The following UTP11 variants were observed in gnomAD, a reference collection of about 807,000 sequenced individuals.
The protein encoded by UTP11 is UTP11 small subunit processome component.
A neutral mutation model predicts 39.0 loss-of-function variants in UTP11; 29 were observed. The ratio of observed to expected loss-of-function variants is 0.74; its 90% CI spans 0.55 to 1.01. The LOEUF (loss-of-function observed/expected upper bound fraction) is 1.01. Among genes scored for constraint, UTP11 ranks in the 50% least tolerant of loss-of-function variants. UTP11 has a pLI of 0.00. For missense variants in UTP11, 281 were observed against 306.0 expected, an observed-to-expected ratio of 0.92 and a Z score of 0.61; for synonymous variants, 111 against 105.0, an observed-to-expected ratio of 1.06 and a Z score of -0.35.
intron 1 of UTP11, among the ~76,000 whole-genome samples, chr1:38,014,190 T>C (rs1646694075): frequency 6.6e-6 from 1 of 152,178 alleles, no homozygotes; most frequent in African/African-American, 2.4e-5. Flanking sequence ...AAGTCACAGT[T>C]GTAAGTAGTG....
At chr1:38,022,378 AT>A (rs1043546226) in intron 6 of UTP11, among the ~76,000 whole-genome samples, 42 of 146,370 alleles carry the variant, frequency 2.9e-4, no homozygotes, top group Admixed American at 3.4e-4. Flanking sequence ...TTAATTTTTA[AT>A]TTTTTTTTTT....
chr1:38,013,393 A>G (rs778071896), intron 1 of UTP11, among the ~76,000 whole-genome samples: 6 of 152,232 alleles, frequency 3.9e-5, no homozygotes, highest in Non-Finnish European at 7.3e-5. Context: ...CCCATTATAC[A>G]GATGAGGAAA....
At chr1:38,016,238 G>A (rs1004046407) in intron 1 of UTP11, 121 bp from the exon 2 acceptor site, 2 of 990,520 alleles carry the variant, frequency 2.0e-6, no homozygotes, top group Non-Finnish European at 3.1e-6. Context: ...TCATGGGTTA[G>A]CTCCAAGGAC....
intron 1 of UTP11, 129 bp from the exon 2 acceptor site, chr1:38,016,230 A>G (rs1646706288): frequency 1.1e-6 from 1 of 909,346 alleles, no homozygotes; most frequent in Non-Finnish European, 1.7e-6. Context: ...GAACAGGGTC[A>G]TGGGTTAGCT....
chr1:38,019,310 T>C lies in UTP11; in HGVS notation c.494T>C (p.Val165Ala), dbSNP rs774422811. 4 of 1,613,908 alleles carry C rather than the reference T, an allele frequency of 2.5e-6. No individual in the cohort carries two copies. The highest frequency in any genetic ancestry group is 3.4e-6 in the Non-Finnish European group (4 of 1,179,982). ...ACAGCCCCGGAGCTAGTCGACAGAG[T>C]CTTTAATAGGCCCAGGATAGAGACC... ...LQTAPELVDRVFNRPRIETLQ... is the reference protein window; with the variant it reads ...LQTAPELVDRAFNRPRIETLQ... The change falls in exon 6 of 8, where the codon GTC becomes GCC. Residue 165 changes from valine (V) to alanine (A), a missense_variant. By Grantham distance (64) the Val-to-Ala change is moderately conservative. Coordinates refer to ENST00000373014, the MANE Select transcript of UTP11 (RefSeq NM_016037.4).
intron 1 of UTP11, 73 bp downstream of exon 1, chr1:38,012,938 C>T: frequency 6.3e-7 from 1 of 1,587,406 alleles, no homozygotes; most frequent in Non-Finnish European, 8.6e-7. Flanking sequence ...CCTGTCGCCA[C>T]CGTGGGATCC....
At chr1:38,019,855 A>G (rs1440745967) in intron 6 of UTP11, among the ~76,000 whole-genome samples, 1 of 152,104 alleles carries the variant, frequency 6.6e-6, no homozygotes, top group African/African-American at 2.4e-5. Context: ...TGATTTGATG[A>G]TGGGATGGAA....
intron 6 of UTP11, among the ~76,000 whole-genome samples, chr1:38,020,309 C>T (rs1272402484): frequency 6.6e-6 from 1 of 151,824 alleles, no homozygotes; most frequent in Non-Finnish European, 1.5e-5. Context: ...CGCTAAGTTG[C>T]CCAGGCTGGT....
intron 2 of UTP11, 29 bp from the exon 3 acceptor site, chr1:38,017,639 C>A (rs200565483): frequency 3.6e-5 from 32 of 894,446 alleles, no homozygotes; most frequent in South Asian, 6.5e-5. Context: ...TTTTTTTTTG[C>A]TATGAACCTC....
chr1:38,018,923 T>A, intron 4 of UTP11, 136 bp from the exon 5 acceptor site: 1 of 779,328 alleles, frequency 1.3e-6, no homozygotes, highest in Non-Finnish European at 2.0e-6. Context: ...TGGGATCCTT[T>A]CCTTTAAAAG....
At chr1:38,023,401 C>G in intron 7 of UTP11, 144 bp from the exon 8 acceptor site, 1 of 602,610 alleles carries the variant, frequency 1.7e-6, no homozygotes. Flanking sequence ...TCATTGCCTA[C>G]AGTGGATGCC....
rs936732043 is a variant in UTP11, at chr1:38,019,238, T to C, written c.437-15T>C. On this transcript the variant is annotated splice_polypyrimidine_tract_variant and intron_variant, in intron 5 of 7. Coordinates refer to ENST00000373014, the MANE Select transcript of UTP11 (RefSeq NM_016037.4). ...TAGAAACCGACAGTGCCTTAAGGAT[T>C]GTCTTGAATTTTAGTTGAACAGTTT... 3.7e-6 allele frequency: 6 copies of C among 1,613,920 alleles called. No homozygotes were observed. Among genetic ancestry groups the C allele is most frequent in the Admixed American group, 3.3e-5 (2 of 59,968 alleles).
Position 38,022,680 on chromosome 1 carries a change from G to A in UTP11, c.568-19G>A. The A allele has an allele frequency of 1.3e-6, 2 of 1,549,130 alleles. No individual in the cohort carries two copies. The highest frequency in any genetic ancestry group is 1.8e-6 in the Non-Finnish European group (2 of 1,121,880). ...GTCCTGTTCATTGTTCACTGAGAAT[G>A]TGTGTGTTTCTTCTCCAGCGAATAG... On this transcript the variant is annotated intron_variant, in intron 6 of 7. Transcript: ENST00000373014.
Position 38,023,538 on chromosome 1 carries a change from T to A in UTP11, c.679-7T>A. 1.2e-6 allele frequency: 2 copies of A among 1,608,536 alleles called. No individual in the cohort carries two copies. Among genetic ancestry groups the A allele is most frequent in the Non-Finnish European group, 1.7e-6 (2 of 1,177,806 alleles). On this transcript the variant is annotated splice_region_variant and splice_polypyrimidine_tract_variant and intron_variant, in intron 7 of 7. Coordinates refer to ENST00000373014, the MANE Select transcript of UTP11 (RefSeq NM_016037.4). ...TCTTTACTGATCACCTTTTTACTCT[T>A]TTGTAGGATAAAACTCAGAAAGTGA...
chr1:38,014,323 T>C (rs1646695427), intron 1 of UTP11, among the ~76,000 whole-genome samples: 1 of 152,160 alleles, frequency 6.6e-6, no homozygotes, highest in South Asian at 2.1e-4. Context: ...CCTGAAAAGG[T>C]GGGTAAACCG....
Position 38,019,275 on chromosome 1 carries a change from T to G in UTP11, c.459T>G (p.Thr153=). 6.2e-7 allele frequency: 1 copy of G among 1,614,072 alleles called. No homozygotes were observed. The highest frequency in any genetic ancestry group is 8.5e-7 in the Non-Finnish European group (1 of 1,180,022). Residue 153 remains threonine (T), a synonymous_variant, in exon 6 of 8, where the codon ACT becomes ACG. Coordinates refer to ENST00000373014, the MANE Select transcript of UTP11 (RefSeq NM_016037.4). ...TAGTTGAACAGTTTGATGTCGCAAC[T>G]CACCTGCAAACAGCCCCGGAGCTAG... The part of the protein sequence containing the change: ...KKEVEQFDVA[T]HLQTAPELVD...
chr1:38,019,754 G>C (rs1646726608), intron 6 of UTP11, among the ~76,000 whole-genome samples: 1 of 152,154 alleles, frequency 6.6e-6, no homozygotes, highest in African/African-American at 2.4e-5. Context: ...AAAGTGTCGG[G>C]ATTACAAGCG....
rs1035760998 is a variant in UTP11 at position 38,012,842 on chromosome 1, C to T, written c.40C>T (p.Arg14Trp). ...TCGGAAGGCGGCTAAGTCCCGGCAG[C>T]GGGAACACAGAGAGCGAAGCCAGGT... The part of the protein sequence containing the change: ...AFRKAAKSRQ[R>W]EHRERSQPGF... Residue 14 changes from arginine to tryptophan, a missense_variant, in exon 1 of 8, where the codon CGG becomes TGG. Physicochemically the swap from Arg to Trp is moderately radical, Grantham distance 101. Coordinates refer to ENST00000373014, the MANE Select transcript of UTP11 (RefSeq NM_016037.4). The T allele has an allele frequency of 5.0e-6, 8 of 1,614,216 alleles. No individual in the cohort carries two copies. The highest frequency in any genetic ancestry group is 1.1e-5 in the South Asian group (1 of 91,088).
chr1:38,019,502 T>G, intron 6 of UTP11, 119 bp downstream of exon 6: 1 of 963,428 alleles, frequency 1.0e-6, no homozygotes, highest in Non-Finnish European at 1.4e-6. Flanking sequence ...TATTTTATTT[T>G]TTAGTCAGAG....
Sources: allele counts gnomAD v4.1 joint callset (sites outside exome capture counted in the v4.1 genomes callset), GRCh38; gene constraint gnomAD v4.1.1; transcripts MANE v1.5; gene names NCBI Gene and HGNC (gene_info 2026-07-23, HGNC 2026-07-21).